The following TSPAN5 variants were observed in gnomAD, a reference collection of about 807,000 sequenced individuals.
TSPAN5 encodes the protein tetraspanin-5.
Under a neutral mutation model 37.1 loss-of-function variants are expected in TSPAN5, and 10 were observed. The observed-to-expected ratio is 0.27, with a 90% CI of 0.17 to 0.46. TSPAN5 has a LOEUF of 0.46. Ranked by LOEUF, TSPAN5 falls within the 20% of genes least tolerant of loss-of-function variation. TSPAN5 has a pLI of 1.00. For synonymous variants in TSPAN5, 110 were observed against 118.9 expected (o/e 0.93, Z 0.48); for missense variants, 195 against 326.6 (o/e 0.60, Z 3.11).
intron 1 of TSPAN5, among the ~76,000 whole-genome samples, chr4:98,576,318 A>G (rs558949771): frequency 2.0e-5 from 3 of 152,352 alleles, no homozygotes; most frequent in South Asian, 2.1e-4. Context: ...TACATTGCTA[A>G]GTCTACAATC....
intron 4 of TSPAN5, among the ~76,000 whole-genome samples, chr4:98,481,351 T>A (rs1168199176): frequency 1.3e-5 from 2 of 152,134 alleles, no homozygotes; most frequent in Non-Finnish European, 2.9e-5. Context: ...ACGGGACATC[T>A]GCTGCTTTGC....
intron 4 of TSPAN5, among the ~76,000 whole-genome samples, chr4:98,481,794 T>C (rs560357241): frequency 6.6e-6 from 1 of 152,324 alleles, no homozygotes; most frequent in African/African-American, 2.4e-5. Flanking sequence ...TTAACAGAAG[T>C]TGAAACAAGT....
chr4:98,558,724 TG>T (rs1253640057), intron 1 of TSPAN5, among the ~76,000 whole-genome samples: 1 of 152,190 alleles, frequency 6.6e-6, no homozygotes, highest in African/African-American at 2.4e-5. Flanking sequence ...CATGATCACC[TG>T]TTCACCCTTA....
At chr4:98,487,910 T>C (rs1753008699) in intron 2 of TSPAN5, among the ~76,000 whole-genome samples, 1 of 152,142 alleles carries the variant, frequency 6.6e-6, no homozygotes. Flanking sequence ...CAAGATTATT[T>C]TGAAACTGTG....
At chr4:98,650,102 G>C (rs1757153392) in intron 1 of TSPAN5, among the ~76,000 whole-genome samples, 2 of 152,192 alleles carry the variant, frequency 1.3e-5, no homozygotes, top group Admixed American at 1.3e-4. Context: ...GAGGAACTAG[G>C]AGCTTTTAAA....
chr4:98,644,355 C>A (rs1380923432), intron 1 of TSPAN5, among the ~76,000 whole-genome samples: 1 of 151,920 alleles, frequency 6.6e-6, no homozygotes. Context: ...ATATTTTTTT[C>A]ATTTGAAGTG....
chr4:98,489,929 G>A (rs1334356573), intron 2 of TSPAN5, among the ~76,000 whole-genome samples: 1 of 152,180 alleles, frequency 6.6e-6, no homozygotes, highest in East Asian at 1.9e-4. Flanking sequence ...ATACCACCAA[G>A]TCTGTTCAAT....
chr4:98,497,861 G>T (rs1288089298), intron 2 of TSPAN5, among the ~76,000 whole-genome samples: 2 of 152,174 alleles, frequency 1.3e-5, no homozygotes, highest in African/African-American at 2.4e-5. Flanking sequence ...CAGTAAGAGT[G>T]CAGACAAAGC....
At chr4:98,475,111 T>C (rs1317716796) in intron 7 of TSPAN5, among the ~76,000 whole-genome samples, 1 of 152,246 alleles carries the variant, frequency 6.6e-6, no homozygotes, top group Non-Finnish European at 1.5e-5. Flanking sequence ...TTCTCCAACT[T>C]TGTTTTACTT....
At chr4:98,651,407 A>T (rs1757182562) in intron 1 of TSPAN5, among the ~76,000 whole-genome samples, 3 of 152,206 alleles carry the variant, frequency 2.0e-5, no homozygotes, top group Admixed American at 2.0e-4. Context: ...ACATTATGGG[A>T]GCAACTGGGA....
chr4:98,475,569 T>G lies in TSPAN5; in HGVS notation c.741+620A>C, dbSNP rs73832315. On this transcript the variant is annotated intron_variant, in intron 7 of 7. Transcript: ENST00000305798. ...GACTCAGTTGCCACAATGCAGTATT[T>G]TTGAGCCCATGTAAACGATGGAATG... is the stretch of plus-strand genomic sequence containing the variant. Among the ~76,000 whole-genome samples the G allele has an allele frequency of 3.9e-3, 591 of 152,362 alleles. 6 individuals are homozygous for G. The highest frequency in any genetic ancestry group is 0.014 in the African/African-American group (566 of 41,588).
At chr4:98,573,800 A>T (rs954692998) in intron 1 of TSPAN5, among the ~76,000 whole-genome samples, 5 of 152,340 alleles carry the variant, frequency 3.3e-5, no homozygotes, top group African/African-American at 1.2e-4. Context: ...ATGGATAAAA[A>T]TTATCCCAAA....
chr4:98,517,032 C>T (rs1053436342), intron 1 of TSPAN5, among the ~76,000 whole-genome samples: 4 of 152,180 alleles, frequency 2.6e-5, no homozygotes, highest in African/African-American at 4.8e-5. Flanking sequence ...ATTGTAGCAA[C>T]ACCACAAAAC....
chr4:98,476,084 T>C, intron 7 of TSPAN5, 105 bp downstream of exon 7: 5 of 833,030 alleles, frequency 6.0e-6, no homozygotes, highest in Non-Finnish European at 8.0e-6. Context: ...CCAATGTGTC[T>C]TAAAAACTAT....
chr4:98,538,253 A>G (rs1052787069), intron 1 of TSPAN5, among the ~76,000 whole-genome samples: 1 of 152,266 alleles, frequency 6.6e-6, no homozygotes, highest in Non-Finnish European at 1.5e-5. Context: ...ATAGCCAAAG[A>G]GCAAAGCAGT....
At chr4:98,484,042 A>AG in intron 3 of TSPAN5, 4 of 189,192 alleles carry the variant, frequency 2.1e-5, no homozygotes, top group South Asian at 2.1e-4. Context: ...GAAAGATTTT[A>AG]ATTCAGTTTT....
intron 1 of TSPAN5, among the ~76,000 whole-genome samples, chr4:98,619,720 C>G (rs544707439): frequency 1.3e-5 from 2 of 152,298 alleles, no homozygotes; most frequent in Admixed American, 6.5e-5. Context: ...AATAAAAACA[C>G]TATAAACTGT....
chr4:98,543,885 A>T (rs1336581870), intron 1 of TSPAN5, among the ~76,000 whole-genome samples: 2 of 152,070 alleles, frequency 1.3e-5, no homozygotes. Context: ...TATTGGGCTT[A>T]AAAAATGTCA....
intron 2 of TSPAN5, among the ~76,000 whole-genome samples, chr4:98,498,362 T>C (rs1753264018): frequency 6.6e-6 from 1 of 152,140 alleles, no homozygotes; most frequent in Non-Finnish European, 1.5e-5. Context: ...GGCAGGAGGA[T>C]TCTTATTTCC....
Sources: gnomAD v4.1 joint callset for allele counts (sites outside exome capture counted in the v4.1 genomes callset) on GRCh38, gnomAD v4.1.1 for gene constraint, MANE v1.5 for transcripts, NCBI Gene and HGNC (gene_info 2026-07-23, HGNC 2026-07-21) for gene names.